The following FLI1 variants were observed in gnomAD, a reference collection of about 807,000 sequenced individuals.
The protein encoded by FLI1 is Friend leukemia integration 1 transcription factor.
In FLI1, 13 loss-of-function variants were observed where a neutral mutation model predicts 53.1. The observed-to-expected ratio is 0.24, with a 90% CI of 0.16 to 0.39. The LOEUF (loss-of-function observed/expected upper bound fraction) is 0.39. FLI1 is among the 10% of genes least tolerant of loss of function. FLI1 has a pLI of 1.00. For missense variants in FLI1, 424 were observed against 600.5 expected, an observed-to-expected ratio of 0.71 and a Z score of 3.07; for synonymous variants, 244 against 236.7, an observed-to-expected ratio of 1.03 and a Z score of -0.28.
chr11:128,698,861 T>A (rs1349030163), intron 1 of FLI1, among the ~76,000 whole-genome samples: 1 of 152,186 alleles, frequency 6.6e-6, no homozygotes, highest in Non-Finnish European at 1.5e-5. Context: ...CTTGAATTAT[T>A]TTTATCCTTA....
At chr11:128,712,139 C>T (rs890515353) in intron 1 of FLI1, among the ~76,000 whole-genome samples, 2 of 152,170 alleles carry the variant, frequency 1.3e-5, no homozygotes, top group East Asian at 3.8e-4. Context: ...GAATTAGTGT[C>T]ATCTCTGGGC....
intron 1 of FLI1, among the ~76,000 whole-genome samples, chr11:128,720,185 T>C (rs369907341): frequency 1.3e-5 from 2 of 152,204 alleles, no homozygotes; most frequent in Admixed American, 6.5e-5. Flanking sequence ...AACCTCCTTT[T>C]ATTCTCTTTA....
At chr11:128,758,986 T>C (rs900728812) in intron 2 of FLI1, among the ~76,000 whole-genome samples, 1 of 152,202 alleles carries the variant, frequency 6.6e-6, no homozygotes, top group Non-Finnish European at 1.5e-5. Context: ...GGGCAAGTCA[T>C]CGAAACCCCT....
upstream of FLI1, chr11:128,693,990 GAGA>G (rs1937895736): frequency 7.4e-6 from 2 of 270,668 alleles, no homozygotes; most frequent in African/African-American, 5.9e-5. Context: ...GAGAGAGAGA[GAGA>G]TAGGACTTCC....
In FLI1 at chr11:128,704,457, G is replaced by A. The variant is rs139994997; in HGVS notation, c.18+10181G>A. ...ACTCTGGGGTCTTAGATTCTTTTCCGAAATTTGGTCTCATTTAAAACCCAA... is the reference window on the plus strand; with the variant it reads ...ACTCTGGGGTCTTAGATTCTTTTCCAAAATTTGGTCTCATTTAAAACCCAA... On this transcript the variant is annotated intron_variant, in intron 1 of 8. Transcript: ENST00000527786. Among the ~76,000 whole-genome samples the A allele has an allele frequency of 1.8e-3, 273 of 152,232 alleles. 2 individuals carry two copies. Among genetic ancestry groups the A allele is most frequent in the African/African-American group, 5.9e-3 (245 of 41,534 alleles).
chr11:128,786,843 A>G (rs1942100649), intron 5 of FLI1, among the ~76,000 whole-genome samples: 1 of 152,190 alleles, frequency 6.6e-6, no homozygotes, highest in Non-Finnish European at 1.5e-5. Flanking sequence ...AAGACAGAGG[A>G]TATTGAGTTC....
intron 1 of FLI1, among the ~76,000 whole-genome samples, chr11:128,744,713 A>G (rs1565478343): frequency 6.6e-6 from 1 of 152,202 alleles, no homozygotes; most frequent in Non-Finnish European, 1.5e-5. Flanking sequence ...TGCCCATTTT[A>G]TGGATAAGGG....
intron 5 of FLI1, among the ~76,000 whole-genome samples, chr11:128,795,460 G>A (rs2135894682): frequency 6.6e-6 from 1 of 152,148 alleles, no homozygotes; most frequent in East Asian, 1.9e-4. Context: ...ATTAGCTTTG[G>A]TTGACACAAG....
At chr11:128,799,037 A>ATTTT (rs201505573) in intron 5 of FLI1, among the ~76,000 whole-genome samples, 1 of 130,804 alleles carries the variant, frequency 7.6e-6, no homozygotes, top group Non-Finnish European at 1.6e-5. Flanking sequence ...TATTATTATT[A>ATTTT]TTATTATTAT....
At chr11:128,727,869 T>C (rs1432076531) in intron 1 of FLI1, among the ~76,000 whole-genome samples, 1 of 152,220 alleles carries the variant, frequency 6.6e-6, no homozygotes, top group Non-Finnish European at 1.5e-5. Context: ...CTGTCCTCTA[T>C]GTCTGACCTA....
chr11:128,755,413 T>C (rs779068343), intron 1 of FLI1, among the ~76,000 whole-genome samples: 4 of 152,234 alleles, frequency 2.6e-5, no homozygotes, highest in Admixed American at 6.5e-5. Flanking sequence ...AGGACTGTGG[T>C]ACATGTTCTT....
At chr11:128,759,168 CAG>C (rs1325836087) in intron 2 of FLI1, among the ~76,000 whole-genome samples, 2 of 152,230 alleles carry the variant, frequency 1.3e-5, no homozygotes, top group African/African-American at 2.4e-5. Context: ...ACTTGAAAGA[CAG>C]AGAACATCAG....
chr11:128,770,769 A>T (rs1052851868), intron 3 of FLI1, among the ~76,000 whole-genome samples: 31 of 152,246 alleles, frequency 2.0e-4, no homozygotes, highest in African/African-American at 7.5e-4. Context: ...TCCCGAGGAT[A>T]TGTTTCTCTA....
intron 7 of FLI1, 118 bp from the exon 8 acceptor site, chr11:128,809,039 A>G (rs1942863646): frequency 4.1e-6 from 3 of 727,384 alleles, no homozygotes; most frequent in Non-Finnish European, 6.7e-6. Context: ...GTTTTCTGAA[A>G]TCAGTCTTTC....
chr11:128,713,861 G>C (rs1437798081), intron 1 of FLI1, among the ~76,000 whole-genome samples: 1 of 152,048 alleles, frequency 6.6e-6, no homozygotes, highest in East Asian at 1.9e-4. Context: ...TGGCCACCCG[G>C]GGCATTGCTA....
intron 5 of FLI1, among the ~76,000 whole-genome samples, chr11:128,784,987 T>C (rs1194619620): frequency 1.3e-5 from 2 of 152,348 alleles, no homozygotes; most frequent in East Asian, 3.9e-4. Context: ...AAAGCACTTA[T>C]CAAATTAGAA....
At chr11:128,729,745 C>G (rs949317435) in intron 1 of FLI1, among the ~76,000 whole-genome samples, 1 of 152,136 alleles carries the variant, frequency 6.6e-6, no homozygotes, top group Admixed American at 6.5e-5. Context: ...TCCAAGAGCC[C>G]GGTTCTTGAG....
At position 128,725,274 on chromosome 11, in the gene FLI1, A is replaced by G. The variant is rs138394011; in HGVS notation, c.18+30998A>G. ...TTCTTGCATAATTCTCAGAAACTCA[A>G]TCAAGGTCTTCCTGTATCTCCCGCT... On this transcript the variant is annotated intron_variant, in intron 1 of 8. Transcript: ENST00000527786. 4.7e-3 allele frequency among the ~76,000 whole-genome samples: 713 copies of G among 152,344 alleles called. 12 individuals are homozygous for G. The highest frequency in any genetic ancestry group is 0.016 in the African/African-American group (678 of 41,578).
chr11:128,755,631 T>C (rs149279843), intron 1 of FLI1, among the ~76,000 whole-genome samples: 19 of 152,260 alleles, frequency 1.2e-4, no homozygotes, highest in African/African-American at 4.6e-4. Flanking sequence ...CTAGCTGAAA[T>C]CAAGAGTGGA....
Sources: gnomAD v4.1 joint callset for allele counts (sites outside exome capture counted in the v4.1 genomes callset) on GRCh38, gnomAD v4.1.1 for gene constraint, MANE v1.5 for transcripts, NCBI Gene and HGNC (gene_info 2026-07-23, HGNC 2026-07-21) for gene names.